PLPPR1: variants seen among roughly 807,000 people sequenced by gnomAD.
PLPPR1 encodes the protein phospholipid phosphatase-related protein type 1.
In PLPPR1, 10 loss-of-function variants were observed where a neutral mutation model predicts 33.1. That is an observed-to-expected ratio of 0.30 (90% CI 0.19 to 0.51). The LOEUF (loss-of-function observed/expected upper bound fraction) is 0.51. Among genes scored for constraint, PLPPR1 ranks in the 20% least tolerant of loss-of-function variants. PLPPR1 has a pLI of 0.97. For missense variants in PLPPR1, 304 were observed against 408.1 expected (o/e 0.74, Z 2.20); for synonymous variants, 151 against 151.0 (o/e 1.00, Z 0.00).
chr9:101,032,273 T>G (rs902484146), intron 1 of PLPPR1, among the ~76,000 whole-genome samples: 3 of 152,108 alleles, frequency 2.0e-5, no homozygotes, highest in Non-Finnish European at 4.4e-5. Flanking sequence ...TGAGACATGA[T>G]CAGATTTGCA....
chr9:101,135,975 A>G (rs1458213421), intron 1 of PLPPR1, among the ~76,000 whole-genome samples: 1 of 152,226 alleles, frequency 6.6e-6, no homozygotes, highest in African/African-American at 2.4e-5. Flanking sequence ...AACCGTAGGC[A>G]AAATGCAAAA....
chr9:101,068,860 T>A (rs576039029), intron 1 of PLPPR1, among the ~76,000 whole-genome samples: 1 of 152,254 alleles, frequency 6.6e-6, no homozygotes, highest in African/African-American at 2.4e-5. Flanking sequence ...ACTTTGCTTA[T>A]TATGCACAGG....
At chr9:101,228,629 A>G (rs936140585) in intron 2 of PLPPR1, among the ~76,000 whole-genome samples, 4 of 152,174 alleles carry the variant, frequency 2.6e-5, no homozygotes, top group African/African-American at 9.6e-5. Flanking sequence ...AAAAAACTGG[A>G]CAGAGGTTGA....
At chr9:101,245,885 G>A (rs1827587547) in intron 2 of PLPPR1, among the ~76,000 whole-genome samples, 5 of 151,534 alleles carry the variant, frequency 3.3e-5, no homozygotes, top group South Asian at 2.1e-4. Flanking sequence ...TCCAAATAGG[G>A]TAAAGGGACA....
rs1360638794 is a variant in PLPPR1 at position 101,312,873 on chromosome 9, A to C, written c.712A>C (p.Thr238Pro). Residue 238 changes from threonine (T) to proline (P), a missense_variant, in exon 6 of 8, where the codon ACA (threonine) becomes CCA (proline). Physicochemically the swap from Thr to Pro is conservative, Grantham distance 38 (BLOSUM62 -1). Coordinates refer to ENST00000374874, the MANE Select transcript of PLPPR1 (RefSeq NM_207299.2). ...KPVLCLGTLC[T>P]AFLTGLNRVS... Reference sequence around the variant, plus strand: ...GGTGCTGTGCCTCGGAACTCTCTGCACAGCCTTCCTGACAGGCCTCAACCG... The same window carrying C: ...GGTGCTGTGCCTCGGAACTCTCTGCCCAGCCTTCCTGACAGGCCTCAACCG... The C allele has an allele frequency of 1.2e-6, 2 of 1,614,192 alleles. No individual in the cohort carries two copies. Among genetic ancestry groups the C allele is most frequent in the East Asian group, 4.5e-5 (2 of 44,866 alleles).
chr9:101,175,464 T>C (rs1303712494), intron 1 of PLPPR1, among the ~76,000 whole-genome samples: 1 of 152,210 alleles, frequency 6.6e-6, no homozygotes, highest in Non-Finnish European at 1.5e-5. Flanking sequence ...CACTGTCTAC[T>C]GTGCCTAAAA....
chr9:101,029,571 C>T (rs1587998978), intron 1 of PLPPR1, among the ~76,000 whole-genome samples: 1 of 152,204 alleles, frequency 6.6e-6, no homozygotes, highest in East Asian at 1.9e-4. Context: ...TTGATTTTCC[C>T]TCAGGCATGG....
At position 101,043,903 on chromosome 9, in the gene PLPPR1, A is replaced by G. The variant is rs186945254; in HGVS notation, c.-46+14801A>G. 1.9e-3 allele frequency among the ~76,000 whole-genome samples: 291 copies of G among 152,308 alleles called. 1 individual carries two copies. Among genetic ancestry groups the G allele is most frequent in the African/African-American group, 6.8e-3 (281 of 41,566 alleles). ...ATTTGCATCTCCCTAATCATTAGTC[A>G]TGTTGAGTACTTTTTCATGTTTTTG... On this transcript the variant is annotated intron_variant, in intron 1 of 7. Transcript: ENST00000374874.
chr9:101,268,735 C>G (rs1479595939), intron 2 of PLPPR1, among the ~76,000 whole-genome samples: 1 of 152,206 alleles, frequency 6.6e-6, no homozygotes, highest in African/African-American at 2.4e-5. Flanking sequence ...CTTCAAAATA[C>G]AAACAACTTT....
intron 7 of PLPPR1, among the ~76,000 whole-genome samples, chr9:101,319,886 C>T (rs913775627): frequency 7.9e-5 from 12 of 152,102 alleles, no homozygotes; most frequent in African/African-American, 2.7e-4. Context: ...ATGCTATCCC[C>T]CGAATATCCT....
chr9:101,132,022 A>G (rs1432271949), intron 1 of PLPPR1, among the ~76,000 whole-genome samples: 2 of 152,220 alleles, frequency 1.3e-5, no homozygotes, highest in South Asian at 2.1e-4. Flanking sequence ...TTGTGTTGGT[A>G]AAAGAAGCTG....
At chr9:101,146,993 G>A (rs534504722) in intron 1 of PLPPR1, among the ~76,000 whole-genome samples, 16 of 152,246 alleles carry the variant, frequency 1.1e-4, no homozygotes, top group African/African-American at 3.9e-4. Context: ...GTGAAATGTC[G>A]CTATGACATT....
intron 2 of PLPPR1, among the ~76,000 whole-genome samples, chr9:101,203,494 C>T (rs1396873483): frequency 6.6e-6 from 1 of 151,994 alleles, no homozygotes; most frequent in African/African-American, 2.4e-5. Context: ...TTCTAGACTT[C>T]ATTTTGCTCA....
At chr9:101,152,751 G>C (rs1033790410) in intron 1 of PLPPR1, among the ~76,000 whole-genome samples, 1 of 152,078 alleles carries the variant, frequency 6.6e-6, no homozygotes, top group Non-Finnish European at 1.5e-5. Context: ...CTGTTCCATT[G>C]GTCTGTATCT....
At chr9:101,163,725 G>T (rs1381021401) in intron 1 of PLPPR1, among the ~76,000 whole-genome samples, 2 of 152,174 alleles carry the variant, frequency 1.3e-5, no homozygotes, top group Admixed American at 6.6e-5. Context: ...CACTGTAACA[G>T]GTGTTAACTT....
intron 2 of PLPPR1, among the ~76,000 whole-genome samples, chr9:101,244,808 T>A (rs998211051): frequency 5.3e-5 from 8 of 151,798 alleles, no homozygotes; most frequent in Non-Finnish European, 1.0e-4. Flanking sequence ...CCTGGGAAAA[T>A]TTGTTAATAT....
chr9:101,135,987 C>T (rs547606759), intron 1 of PLPPR1, among the ~76,000 whole-genome samples: 1 of 152,270 alleles, frequency 6.6e-6, no homozygotes, highest in East Asian at 1.9e-4. Context: ...AATGCAAAAG[C>T]AGATAGTGTG....
chr9:101,100,749 T>A (rs186349237), intron 1 of PLPPR1, among the ~76,000 whole-genome samples: 14 of 151,612 alleles, frequency 9.2e-5, no homozygotes, highest in Non-Finnish European at 1.5e-4. Flanking sequence ...TCCTAGTTCA[T>A]ATTTATCAAG....
chr9:101,227,270 A>C (rs976372278), intron 2 of PLPPR1, among the ~76,000 whole-genome samples: 3 of 149,014 alleles, frequency 2.0e-5, no homozygotes, highest in African/African-American at 7.8e-5. Flanking sequence ...AAAAAATAAA[A>C]AAATGTAAAA....
Sources: allele counts gnomAD v4.1 joint callset (sites outside exome capture counted in the v4.1 genomes callset), GRCh38; gene constraint gnomAD v4.1.1; transcripts MANE v1.5; gene names NCBI Gene and HGNC (gene_info 2026-07-23, HGNC 2026-07-21).